The following HGF variants were observed in gnomAD, a reference collection of about 807,000 sequenced individuals.
HGF encodes fibroblast-derived tumor cytotoxic factor.
Under a neutral mutation model 111.6 loss-of-function variants are expected in HGF, and 39 were observed. The observed-to-expected ratio is 0.35, with a 90% CI of 0.27 to 0.46. The LOEUF (loss-of-function observed/expected upper bound fraction) is 0.46, where lower values mean the gene tolerates loss of function less well. HGF is among the 20% of genes least tolerant of loss of function. The probability of loss-of-function intolerance (pLI) is 1.00; values close to 1 mark genes in which losing one functional copy is unlikely to be tolerated. For synonymous variants in HGF, 285 were observed against 294.8 expected, an observed-to-expected ratio of 0.97 and a Z score of 0.34; for missense variants, 735 against 910.5, an observed-to-expected ratio of 0.81 and a Z score of 2.48.
chr7:81,714,959 T>G (rs1243948266), intron 11 of HGF, among the ~76,000 whole-genome samples: 1 of 152,154 alleles, frequency 6.6e-6, no homozygotes, highest in Non-Finnish European at 1.5e-5. Context: ...TGCAATAGTA[T>G]TTAATCAAAT....
intron 17 of HGF, among the ~76,000 whole-genome samples, chr7:81,703,332 A>C (rs1398548703): frequency 6.6e-6 from 1 of 150,930 alleles, no homozygotes; most frequent in Non-Finnish European, 1.5e-5. Flanking sequence ...GTTAATTGAA[A>C]TTGCTTTTCC....
At chr7:81,735,233 A>G (rs1300158357) in intron 7 of HGF, among the ~76,000 whole-genome samples, 1 of 152,138 alleles carries the variant, frequency 6.6e-6, no homozygotes, top group Non-Finnish European at 1.5e-5. Flanking sequence ...ATGTGAAGCC[A>G]GGATTCATAC....
intron 2 of HGF, 106 bp downstream of exon 2, chr7:81,762,601 A>G (rs1789141334): frequency 2.2e-6 from 2 of 917,668 alleles, no homozygotes; most frequent in South Asian, 1.3e-5. Context: ...TCAAACTTAC[A>G]ATTTTATGAT....
intron 9 of HGF, among the ~76,000 whole-genome samples, chr7:81,723,910 G>A (rs6467868): frequency 0.75 from 113,088 of 151,226 alleles, 43,272 homozygotes; most frequent in Middle Eastern, 0.88. Context: ...AGATCTATCT[G>A]TAGATATATC....
intron 9 of HGF, among the ~76,000 whole-genome samples, chr7:81,724,754 G>A (rs1789961593): frequency 6.6e-6 from 1 of 152,130 alleles, no homozygotes; most frequent in Admixed American, 6.5e-5. Flanking sequence ...TGTGTTGAAT[G>A]GTAGTTGTGT....
At chr7:81,732,344 G>A (rs1787692947) in intron 7 of HGF, among the ~76,000 whole-genome samples, 1 of 152,152 alleles carries the variant, frequency 6.6e-6, no homozygotes, top group African/African-American at 2.4e-5. Flanking sequence ...TATGGAAGCA[G>A]CTTCAAAAGG....
chr7:81,705,288 G>T (rs1789391509), intron 17 of HGF, 102 bp downstream of exon 17: 6 of 1,083,150 alleles, frequency 5.5e-6, no homozygotes, highest in South Asian at 5.1e-5. Context: ...AGAATAGGTT[G>T]GTATACAATA....
chr7:81,707,309 G>T lies in HGF; in HGVS notation c.1597C>A (p.Arg533=). 2 of 1,593,814 alleles carry T rather than the reference G, an allele frequency of 1.3e-6. No individual in the cohort carries two copies. Among genetic ancestry groups the T allele is most frequent in the Non-Finnish European group, 1.7e-6 (2 of 1,162,322 alleles). The part of the protein sequence containing the change: ...LIKESWVLTA[R]QCFPSRDLKD... ...CTTTACCGAGAAGGGAAACACTGTC[G>T]TGCAGTAAGAACCCAACTCTCCTTT... Residue 533 remains arginine (R), a synonymous_variant, in exon 14 of 18, where the codon CGA becomes AGA. Coordinates refer to ENST00000222390, the MANE Select transcript of HGF (RefSeq NM_000601.6).
At position 81,720,725 on chromosome 7, in the gene HGF, A is replaced by G; in HGVS notation, c.1271+20T>C. On this transcript the variant is annotated intron_variant, in intron 10 of 17. Transcript: ENST00000222390. Reference sequence around the variant, plus strand: ...TGGTATCACTACATTCTATATATTGAAAGGAAGAAATTTACACACCGATGT... The same window carrying G: ...TGGTATCACTACATTCTATATATTGGAAGGAAGAAATTTACACACCGATGT... 3 of 1,391,370 alleles carry G rather than the reference A, an allele frequency of 2.2e-6. No homozygotes were observed. The highest frequency in any genetic ancestry group is 3.1e-6 in the Non-Finnish European group (3 of 976,808). 86.2% of individuals were successfully genotyped at this position (1,391,370 alleles called of 1,614,324 possible). A position where few individuals can be genotyped will look rare whatever the true frequency, so the allele number is the denominator to read the frequency against.
At chr7:81,732,726 C>T (rs188624105) in intron 7 of HGF, among the ~76,000 whole-genome samples, 73 of 151,956 alleles carry the variant, frequency 4.8e-4, no homozygotes, top group African/African-American at 1.6e-3. Context: ...TAAGCAATCA[C>T]GTGATAATCA....
intron 7 of HGF, chr7:81,742,702 A>T: frequency 7.2e-7 from 1 of 1,391,878 alleles, no homozygotes; most frequent in Non-Finnish European, 9.3e-7. Context: ...ACGTTAAAAA[A>T]TAGTTTTTAT....
At chr7:81,730,547 T>C (rs1787614934) in intron 7 of HGF, among the ~76,000 whole-genome samples, 1 of 152,204 alleles carries the variant, frequency 6.6e-6, no homozygotes, top group East Asian at 1.9e-4. Context: ...AAATCAGTTA[T>C]TCCTAGGAAG....
rs752052736 is a variant in HGF, at chr7:81,717,343, C to T, written c.1294G>A (p.Ala432Thr). The change falls in exon 11 of 18, where the codon GCA (alanine) becomes ACA (threonine). Residue 432 changes from alanine (A) to threonine (T), a missense_variant. Coordinates refer to ENST00000222390, the MANE Select transcript of HGF (RefSeq NM_000601.6). ...LHRHIFWEPD[A>T]SKLNENYCRN... The stretch of plus-strand genomic sequence containing the variant: ...CAGTAATTCTCATTCAGCTTACTTG[C>T]ATCTGGTTCCCAGAAGATATGACTG... 2.5e-6 allele frequency: 4 copies of T among 1,613,662 alleles called. No individual in the cohort carries two copies. The highest frequency in any genetic ancestry group is 3.4e-6 in the Non-Finnish European group (4 of 1,179,626).
chr7:81,758,852 G>A (rs1440911096), intron 2 of HGF, 48 bp from the exon 3 acceptor site: 2 of 1,237,988 alleles, frequency 1.6e-6, no homozygotes, highest in African/African-American at 3.0e-5. Context: ...TATTTATACA[G>A]TATTTAAAGA....
At chr7:81,734,419 T>C (rs1007160835) in intron 7 of HGF, among the ~76,000 whole-genome samples, 5 of 149,106 alleles carry the variant, frequency 3.4e-5, no homozygotes, top group African/African-American at 1.3e-4. Flanking sequence ...CACTGTCCTG[T>C]TTGAATATGA....
At chr7:81,711,943 C>T (rs1269670901) in intron 11 of HGF, among the ~76,000 whole-genome samples, 1 of 152,092 alleles carries the variant, frequency 6.6e-6, no homozygotes, top group Non-Finnish European at 1.5e-5. Context: ...CACACCTGGC[C>T]AATTTACTGA....
chr7:81,762,408 C>G (rs1184570125), intron 2 of HGF, among the ~76,000 whole-genome samples: 3 of 152,116 alleles, frequency 2.0e-5, no homozygotes, highest in Non-Finnish European at 4.4e-5. Context: ...TTTTAAAACC[C>G]AAAGCCAATT....
rs1419529321 is a variant in HGF, at chr7:81,742,924, A to G, written c.865+429T>C. ...TGTCACTCACCAGAAGAAGTTCACC[A>G]TCAGTTGAGAGCCCATGTTATGTCT... is the stretch of plus-strand genomic sequence containing the variant. On this transcript the variant is annotated intron_variant, in intron 7 of 17. Transcript: ENST00000222390. 3.1e-6 allele frequency: 5 copies of G among 1,613,236 alleles called. No homozygotes were observed. In the African/African-American group the frequency reaches 5.3e-5, roughly 17 times the overall value.
At chr7:81,744,739 T>C (rs1788159048) in intron 6 of HGF, among the ~76,000 whole-genome samples, 1 of 152,204 alleles carries the variant, frequency 6.6e-6, no homozygotes, top group African/African-American at 2.4e-5. Flanking sequence ...ATGCTGATTT[T>C]AGAAACTCTG....
Sources: allele counts gnomAD v4.1 joint callset (sites outside exome capture counted in the v4.1 genomes callset), GRCh38; gene constraint gnomAD v4.1.1; transcripts MANE v1.5; gene names NCBI Gene and HGNC (gene_info 2026-07-23, HGNC 2026-07-21).